Variants in TSPAN5 observed in about 807,000 individuals in gnomAD.
The protein encoded by TSPAN5 is tetraspanin 5, also known as tetraspanin-5.
TSPAN5 carries 10 observed loss-of-function variants against 37.1 expected under a neutral mutation model. That is an observed-to-expected ratio of 0.27 (90% CI 0.17 to 0.46). TSPAN5 has a LOEUF of 0.46. Ranked by LOEUF, TSPAN5 falls within the 20% of genes least tolerant of loss-of-function variation. The pLI, the probability that TSPAN5 is intolerant of heterozygous loss-of-function variation, is 1.00. For synonymous variants in TSPAN5, 110 were observed against 118.9 expected, an observed-to-expected ratio of 0.93 and a Z score of 0.48; for missense variants, 195 against 326.6, an observed-to-expected ratio of 0.60 and a Z score of 3.11.
intron 7 of TSPAN5, 112 bp downstream of exon 7, chr4:98,476,077 A>T: frequency 5.3e-6 from 4 of 749,662 alleles, no homozygotes; most frequent in Non-Finnish European, 9.3e-6. Context: ...CAGCCCTCCA[A>T]TGTGTCTTAA....
chr4:98,591,405 AT>A (rs1325285722), intron 1 of TSPAN5, among the ~76,000 whole-genome samples: 4 of 113,616 alleles, frequency 3.5e-5, no homozygotes, highest in Non-Finnish European at 6.9e-5. Context: ...TTTTAAATTC[AT>A]TTTTTGTTAA....
At chr4:98,595,350 C>T (rs1250796329) in intron 1 of TSPAN5, among the ~76,000 whole-genome samples, 5 of 117,836 alleles carry the variant, frequency 4.2e-5, no homozygotes, top group South Asian at 2.9e-4. Context: ...GTCTTGCTAG[C>T]GGTCTATCAA....
At chr4:98,570,127 C>A (rs1158774889) in intron 1 of TSPAN5, among the ~76,000 whole-genome samples, 1 of 152,118 alleles carries the variant, frequency 6.6e-6, no homozygotes, top group Non-Finnish European at 1.5e-5. Flanking sequence ...CAATGTTATC[C>A]TTTCATCTTC....
chr4:98,577,146 C>A (rs1755257419), intron 1 of TSPAN5, among the ~76,000 whole-genome samples: 1 of 152,194 alleles, frequency 6.6e-6, no homozygotes, highest in African/African-American at 2.4e-5. Flanking sequence ...AAAAATGAAA[C>A]CCCAATCTAA....
At chr4:98,501,210 C>T (rs1376464791) in intron 2 of TSPAN5, among the ~76,000 whole-genome samples, 2 of 152,132 alleles carry the variant, frequency 1.3e-5, no homozygotes, top group Non-Finnish European at 2.9e-5. Flanking sequence ...TATTTTGTTT[C>T]TAACCCCGTA....
chr4:98,616,136 C>T (rs1046841685), intron 1 of TSPAN5, among the ~76,000 whole-genome samples: 6 of 152,000 alleles, frequency 3.9e-5, no homozygotes, highest in African/African-American at 1.4e-4. Context: ...TCAGTCCCCA[C>T]GTTAGCTCAA....
chr4:98,516,032 T>C (rs750573152), intron 1 of TSPAN5, among the ~76,000 whole-genome samples: 1 of 152,232 alleles, frequency 6.6e-6, no homozygotes, highest in African/African-American at 2.4e-5. Flanking sequence ...ATATCCTGTG[T>C]GAATGGGTTT....
At chr4:98,652,126 T>C (rs993732538) in intron 1 of TSPAN5, among the ~76,000 whole-genome samples, 26 of 152,194 alleles carry the variant, frequency 1.7e-4, no homozygotes, top group African/African-American at 5.3e-4. Flanking sequence ...TCCTAAAGTG[T>C]TGGGATTACA....
intron 1 of TSPAN5, among the ~76,000 whole-genome samples, chr4:98,584,004 CAAAT>C (rs571907144): frequency 1.1e-3 from 165 of 152,304 alleles, no homozygotes; most frequent in Non-Finnish European, 2.0e-3. Flanking sequence ...CTTCCAGTCT[CAAAT>C]AACCCCCCAT....
At chr4:98,561,991 G>C (rs949130014) in intron 1 of TSPAN5, among the ~76,000 whole-genome samples, 3 of 152,194 alleles carry the variant, frequency 2.0e-5, no homozygotes, top group African/African-American at 7.2e-5. Context: ...ACAGAACTGC[G>C]AATAGTCCAG....
chr4:98,624,138 A>T (rs540337532), intron 1 of TSPAN5, among the ~76,000 whole-genome samples: 11 of 152,302 alleles, frequency 7.2e-5, no homozygotes, highest in Admixed American at 7.2e-4. Context: ...GGTATTTGAC[A>T]TATATGTTAT....
At chr4:98,544,179 C>CTGAATGAA (rs150914789) in intron 1 of TSPAN5, among the ~76,000 whole-genome samples, 2 of 152,058 alleles carry the variant, frequency 1.3e-5, no homozygotes, top group Non-Finnish European at 2.9e-5. Flanking sequence ...GACCCTGTCT[C>CTGAATGAA]TGAATGAATG....
chr4:98,506,766 T>C (rs889465171), intron 2 of TSPAN5, among the ~76,000 whole-genome samples: 11 of 152,220 alleles, frequency 7.2e-5, no homozygotes, highest in African/African-American at 2.7e-4. Flanking sequence ...TTAACCATTC[T>C]ATACATCCCC....
intron 1 of TSPAN5, among the ~76,000 whole-genome samples, chr4:98,638,494 A>G (rs1343595592): frequency 1.3e-5 from 2 of 152,218 alleles, no homozygotes; most frequent in Non-Finnish European, 2.9e-5. Flanking sequence ...CTAGGTATCA[A>G]CTTATATGTA....
At chr4:98,608,411 G>A (rs527827007) in intron 1 of TSPAN5, among the ~76,000 whole-genome samples, 1 of 152,278 alleles carries the variant, frequency 6.6e-6, no homozygotes, top group Non-Finnish European at 1.5e-5. Flanking sequence ...AGAAATGGCA[G>A]GTAAAATAAG....
Position 98,571,911 on chromosome 4 carries a change from C to T in TSPAN5, c.82-64183G>A, listed in dbSNP as rs904218663. On this transcript the variant is annotated intron_variant, in intron 1 of 7. Transcript: ENST00000305798. ...TTCTGCTGTCAATGATATTACAGTC[C>T]GGTGGTGGAGAGAGACAAGAAAAGG... Among the ~76,000 whole-genome samples the T allele has an allele frequency of 3.9e-5, 6 of 152,002 alleles. No homozygotes were observed. In the South Asian group the frequency reaches 6.2e-4, roughly 16 times the overall value.
intron 1 of TSPAN5, among the ~76,000 whole-genome samples, chr4:98,549,292 GTTTGTTTTT>G (rs796318510): frequency 6.8e-6 from 1 of 147,102 alleles, no homozygotes. Context: ...TTGTTTGTTT[GTTTGTTTTT>G]GTTTTTTTTT....
chr4:98,657,739 C>G (rs1418180463), intron 1 of TSPAN5: 1 of 269,204 alleles, frequency 3.7e-6, no homozygotes, highest in African/African-American at 2.3e-5. Context: ...GAAGGTGGAC[C>G]TCAGGGTCGG....
intron 1 of TSPAN5, among the ~76,000 whole-genome samples, chr4:98,652,054 C>G (rs1328723948): frequency 6.6e-6 from 1 of 151,722 alleles, no homozygotes; most frequent in African/African-American, 2.4e-5. Flanking sequence ...GAGATAGGGT[C>G]TCACTATGTT....
Sources: gnomAD v4.1 joint callset for allele counts (sites outside exome capture counted in the v4.1 genomes callset) on GRCh38, gnomAD v4.1.1 for gene constraint, MANE v1.5 for transcripts, NCBI Gene and HGNC (gene_info 2026-07-23, HGNC 2026-07-21) for gene names.